The following ERC2 variants were observed in gnomAD, a reference collection of about 807,000 sequenced individuals.
ERC2 encodes the protein ELKS/RAB6-interacting/CAST family member 2.
A neutral mutation model predicts 114.8 loss-of-function variants in ERC2; 42 were observed. The ratio of observed to expected loss-of-function variants is 0.37; its 90% CI spans 0.29 to 0.47. ERC2 has a LOEUF of 0.47. ERC2 is among the 20% of genes least tolerant of loss of function. ERC2 has a pLI of 0.99. For synonymous variants in ERC2, 454 were observed against 425.5 expected (o/e 1.07, Z -0.82); for missense variants, 939 against 1,150.7 (o/e 0.82, Z 2.66).
intron 12 of ERC2, among the ~76,000 whole-genome samples, chr3:55,978,480 T>C (rs2069777596): frequency 6.6e-6 from 1 of 152,198 alleles, no homozygotes; most frequent in South Asian, 2.1e-4. Flanking sequence ...ACTCAGGTTT[T>C]TACAACTAGA....
At chr3:56,045,089 C>T (rs1474134437) in intron 7 of ERC2, among the ~76,000 whole-genome samples, 2 of 152,030 alleles carry the variant, frequency 1.3e-5, no homozygotes, top group African/African-American at 4.8e-5. Flanking sequence ...AAAACTGAAG[C>T]TCACTATCAA....
intron 14 of ERC2, among the ~76,000 whole-genome samples, chr3:55,735,811 GA>G (rs1039559619): frequency 4.6e-5 from 7 of 152,044 alleles, no homozygotes; most frequent in African/African-American, 1.7e-4. Flanking sequence ...AAATTTACTG[GA>G]AACCCTGTTC....
intron 14 of ERC2, among the ~76,000 whole-genome samples, chr3:55,810,465 C>CTTTTTTTTTTTTTTTTTTTTTTT: frequency 6.8e-6 from 1 of 146,424 alleles, no homozygotes; most frequent in Non-Finnish European, 1.5e-5. Flanking sequence ...CTCTCTCCCT[C>CTTTTTTTTTTTTTTTTTTTTTTT]TTTTTTTTTT....
intron 2 of ERC2, among the ~76,000 whole-genome samples, chr3:56,339,034 G>T (rs949287555): frequency 6.6e-6 from 1 of 152,310 alleles, no homozygotes; most frequent in East Asian, 1.9e-4. Flanking sequence ...CGAGTCCCCA[G>T]TTCCACCTCT....
At chr3:55,583,618 G>T (rs913227418) in intron 17 of ERC2, among the ~76,000 whole-genome samples, 2 of 145,836 alleles carry the variant, frequency 1.4e-5, no homozygotes, top group Non-Finnish European at 3.0e-5. Context: ...TGCACTGGAC[G>T]GTATCAGCTT....
At chr3:56,238,419 A>C (rs773182925) in intron 3 of ERC2, among the ~76,000 whole-genome samples, 1 of 152,242 alleles carries the variant, frequency 6.6e-6, no homozygotes, top group African/African-American at 2.4e-5. Flanking sequence ...CTGGAAGTGA[A>C]GAATCTGCCT....
At chr3:55,601,343 CT>C (rs1443073783) in intron 17 of ERC2, among the ~76,000 whole-genome samples, 1 of 152,182 alleles carries the variant, frequency 6.6e-6, no homozygotes, top group African/African-American at 2.4e-5. Context: ...AGAAATTGCC[CT>C]TTTATTTTAA....
chr3:55,811,020 C>T (rs1414478325), intron 14 of ERC2, among the ~76,000 whole-genome samples: 2 of 152,160 alleles, frequency 1.3e-5, no homozygotes, highest in East Asian at 3.8e-4. Context: ...AGGAGGAGTG[C>T]TGTTCAGAGC....
intron 14 of ERC2, among the ~76,000 whole-genome samples, chr3:55,859,235 G>A (rs1432679074): frequency 6.6e-6 from 1 of 152,152 alleles, no homozygotes; most frequent in Non-Finnish European, 1.5e-5. Flanking sequence ...GGCTCACAGT[G>A]CTTAGCTCCA....
chr3:55,898,879 T>C (rs1420739176), intron 13 of ERC2, among the ~76,000 whole-genome samples: 1 of 152,050 alleles, frequency 6.6e-6, no homozygotes, highest in Non-Finnish European at 1.5e-5. Context: ...ATTCCAAACA[T>C]AAAGATGAAG....
chr3:55,981,061 GCAAGTCCCAC>G (rs1559969060), intron 12 of ERC2, among the ~76,000 whole-genome samples: 1 of 152,222 alleles, frequency 6.6e-6, no homozygotes, highest in African/African-American at 2.4e-5. Flanking sequence ...ATTAGTCATG[GCAAGTCCCAC>G]CAAGGCTAGG....
intron 2 of ERC2, among the ~76,000 whole-genome samples, chr3:56,345,733 T>C (rs574397920): frequency 5.8e-4 from 88 of 152,306 alleles, no homozygotes; most frequent in Non-Finnish European, 1.1e-3. Context: ...ATCAGAGCAG[T>C]ATTGAGGTTT....
intron 17 of ERC2, among the ~76,000 whole-genome samples, chr3:55,545,178 C>T (rs1421835925): frequency 1.3e-5 from 2 of 152,216 alleles, no homozygotes; most frequent in African/African-American, 4.8e-5. Flanking sequence ...ATTCTCCATC[C>T]TCACTCCACC....
intron 3 of ERC2, among the ~76,000 whole-genome samples, chr3:56,292,653 C>G (rs564971814): frequency 4.0e-5 from 6 of 151,584 alleles, no homozygotes; most frequent in Non-Finnish European, 8.8e-5. Flanking sequence ...AGAGCTGAGA[C>G]TCCAGAGTCA....
At chr3:56,346,036 C>T (rs1320326037) in intron 2 of ERC2, among the ~76,000 whole-genome samples, 2 of 152,234 alleles carry the variant, frequency 1.3e-5, no homozygotes, top group South Asian at 4.1e-4. Context: ...AAAGGGACAT[C>T]ATCCCAGGAG....
intron 17 of ERC2, among the ~76,000 whole-genome samples, chr3:55,550,733 G>T (rs1232924392): frequency 6.6e-6 from 1 of 152,078 alleles, no homozygotes; most frequent in African/African-American, 2.4e-5. Flanking sequence ...TTAAGAAATA[G>T]GGGCCGGGCG....
intron 6 of ERC2, among the ~76,000 whole-genome samples, chr3:56,090,227 C>T (rs80258243): frequency 9.0e-4 from 137 of 152,274 alleles, no homozygotes; most frequent in African/African-American, 3.1e-3. Flanking sequence ...ACTGGCTCTA[C>T]GGATGAGGGT....
chr3:56,088,775 C>A (rs138668398), intron 6 of ERC2, among the ~76,000 whole-genome samples: 1 of 152,274 alleles, frequency 6.6e-6, no homozygotes, highest in East Asian at 1.9e-4. Flanking sequence ...AATAACAGTA[C>A]GTCCTTCATT....
intron 12 of ERC2, 115 bp downstream of exon 12, chr3:55,985,862 G>C (rs972189233): frequency 1.1e-6 from 1 of 883,276 alleles, no homozygotes; most frequent in East Asian, 2.7e-5. Flanking sequence ...ATGAGCGGGG[G>C]GAAATGCAGT....
Sources: allele counts gnomAD v4.1 joint callset (sites outside exome capture counted in the v4.1 genomes callset), GRCh38; gene constraint gnomAD v4.1.1; transcripts MANE v1.5; gene names NCBI Gene and HGNC (gene_info 2026-07-23, HGNC 2026-07-21).